CSMD1: variants seen among roughly 807,000 people sequenced by gnomAD.
The protein encoded by CSMD1 is CUB and sushi domain-containing protein 1.
In CSMD1, 213 loss-of-function variants were observed where a neutral mutation model predicts 417.5. The observed-to-expected ratio is 0.51, with a 90% CI of 0.46 to 0.57. The LOEUF is 0.57. Among genes scored for constraint, CSMD1 ranks in the 20% least tolerant of loss-of-function variants. The probability of loss-of-function intolerance (pLI) is 0.00; values close to 1 mark genes in which losing one functional copy is unlikely to be tolerated. For missense variants in CSMD1, 6,923 were observed against 4,529.7 expected (o/e 1.53, Z -15.17); for synonymous variants, 2,862 against 1,736.8 (o/e 1.65, Z -16.11).
chr8:3,705,158 A>C (rs7824746), intron 7 of CSMD1, among the ~76,000 whole-genome samples: 67,371 of 151,926 alleles, frequency 0.44, 15,668 homozygotes, highest in South Asian at 0.56. Context: ...GGGACAGGGC[A>C]GTGGCAGGGG....
intron 2 of CSMD1, among the ~76,000 whole-genome samples, chr8:4,422,980 G>A (rs370253417): frequency 4.0e-5 from 6 of 151,508 alleles, no homozygotes; most frequent in Non-Finnish European, 8.8e-5. Context: ...AATAATCATT[G>A]AACATGAGAA....
chr8:3,430,286 A>T (rs1047380901), intron 12 of CSMD1, among the ~76,000 whole-genome samples: 3 of 152,138 alleles, frequency 2.0e-5, no homozygotes, highest in Non-Finnish European at 4.4e-5. Flanking sequence ...TACAGGTGAC[A>T]TTTAATAACT....
rs775138399 is a variant in CSMD1, at chr8:3,708,499, A to T, written c.932-8T>A. ...ACTCAATCGCCTTTTTCACTGGAAG[A>T]AACAAAACCAAGCCATTAGCAGGTA... On this transcript the variant is annotated splice_polypyrimidine_tract_variant and splice_region_variant and intron_variant, in intron 6 of 69. Coordinates refer to ENST00000635120, the MANE Select transcript of CSMD1 (RefSeq NM_033225.6). The T allele has an allele frequency of 1.9e-6, 3 of 1,613,296 alleles. No homozygotes were observed. In the South Asian group the frequency reaches 3.3e-5, roughly 18 times the overall value.
At chr8:3,094,306 C>T (rs1035074360) in intron 47 of CSMD1, among the ~76,000 whole-genome samples, 1 of 151,950 alleles carries the variant, frequency 6.6e-6, no homozygotes, top group African/African-American at 2.4e-5. Context: ...GGTTTCACCA[C>T]GCTGGCCAGG....
At chr8:3,401,377 T>C (rs1037516122) in intron 15 of CSMD1, among the ~76,000 whole-genome samples, 8 of 152,174 alleles carry the variant, frequency 5.3e-5, no homozygotes, top group African/African-American at 1.9e-4. Flanking sequence ...AAATATTAAT[T>C]ATTTTATTAT....
At chr8:3,302,767 C>G (rs965852824) in intron 25 of CSMD1, among the ~76,000 whole-genome samples, 12 of 152,174 alleles carry the variant, frequency 7.9e-5, no homozygotes, top group African/African-American at 2.9e-4. Flanking sequence ...AGAATTTGTC[C>G]TTCATGCACT....
chr8:4,531,712 G>A (rs1247479853), intron 2 of CSMD1, among the ~76,000 whole-genome samples: 1 of 152,150 alleles, frequency 6.6e-6, no homozygotes, highest in Non-Finnish European at 1.5e-5. Context: ...TGTAATAACA[G>A]CTTTGAGATA....
intron 8 of CSMD1, among the ~76,000 whole-genome samples, chr8:3,600,232 C>T (rs998563565): frequency 6.6e-6 from 1 of 152,164 alleles, no homozygotes; most frequent in Non-Finnish European, 1.5e-5. Context: ...TTTTCTCCTT[C>T]TCCTCCCCAT....
chr8:4,363,213 T>C (rs1801876032), intron 3 of CSMD1, among the ~76,000 whole-genome samples: 1 of 152,196 alleles, frequency 6.6e-6, no homozygotes, highest in Non-Finnish European at 1.5e-5. Context: ...TGGTGGATCT[T>C]CCATGATGAC....
At chr8:4,690,821 C>T (rs537967009) in intron 1 of CSMD1, among the ~76,000 whole-genome samples, 9 of 152,044 alleles carry the variant, frequency 5.9e-5, no homozygotes, top group East Asian at 3.9e-4. Context: ...CTCTTCCTGC[C>T]GGGTTCAAGC....
At chr8:3,928,395 G>C (rs920550407) in intron 5 of CSMD1, among the ~76,000 whole-genome samples, 1 of 152,194 alleles carries the variant, frequency 6.6e-6, no homozygotes, top group Non-Finnish European at 1.5e-5. Flanking sequence ...GTAGGTAGCA[G>C]TGAAATATCA....
At chr8:4,635,822 A>G (rs1802782624) in intron 2 of CSMD1, among the ~76,000 whole-genome samples, 1 of 152,106 alleles carries the variant, frequency 6.6e-6, no homozygotes, top group African/African-American at 2.4e-5. Context: ...ACTAACACAT[A>G]AGACCATAAA....
chr8:4,013,978 C>T (rs756204360), intron 4 of CSMD1, among the ~76,000 whole-genome samples: 23 of 152,240 alleles, frequency 1.5e-4, no homozygotes, highest in East Asian at 5.8e-4. Context: ...CCTCAATAAA[C>T]GTTCCTTGGA....
intron 1 of CSMD1, among the ~76,000 whole-genome samples, chr8:4,940,581 G>A (rs1482585227): frequency 2.6e-5 from 4 of 152,200 alleles, no homozygotes; most frequent in Non-Finnish European, 2.9e-5. Context: ...GAAGTTTAGA[G>A]AGGCAGGTCA....
rs533490528 is a variant in CSMD1 at position 4,113,348 on chromosome 8, CT to C, written c.416-81250del. Among the ~76,000 whole-genome samples the C allele has an allele frequency of 1.7e-3, 244 of 146,920 alleles. 1 individual carries two copies. The highest frequency in any genetic ancestry group is 2.8e-3 in the Non-Finnish European group (192 of 67,450). ...AGGCCTGCTGCACCCAACAGCCAAG[CT>C]GTGAGTGCAAATAAAATGTTCTTCA... On this transcript the variant is annotated intron_variant, in intron 3 of 69. Transcript: ENST00000635120.
intron 1 of CSMD1, among the ~76,000 whole-genome samples, chr8:4,916,728 C>T (rs148279472): frequency 5.9e-5 from 9 of 152,190 alleles, no homozygotes; most frequent in East Asian, 5.8e-4. Context: ...ATTGTGATAT[C>T]GCAAAGAATA....
intron 10 of CSMD1, among the ~76,000 whole-genome samples, chr8:3,496,416 C>G (rs1796366877): frequency 6.6e-6 from 1 of 152,222 alleles, no homozygotes; most frequent in East Asian, 1.9e-4. Context: ...CCTACAAGAA[C>G]TCACTGAACA....
chr8:3,923,396 T>G (rs950979511), intron 5 of CSMD1, among the ~76,000 whole-genome samples: 1 of 152,214 alleles, frequency 6.6e-6, no homozygotes, highest in African/African-American at 2.4e-5. Context: ...ATTATATCAT[T>G]TGCTTATTTT....
At chr8:4,184,356 G>C (rs1016885139) in intron 3 of CSMD1, among the ~76,000 whole-genome samples, 9 of 152,168 alleles carry the variant, frequency 5.9e-5, no homozygotes, top group African/African-American at 1.7e-4. Flanking sequence ...ATCAACACTG[G>C]AACTGTGCTC....
Sources: gnomAD v4.1 joint callset for allele counts (sites outside exome capture counted in the v4.1 genomes callset) on GRCh38, gnomAD v4.1.1 for gene constraint, MANE v1.5 for transcripts, NCBI Gene and HGNC (gene_info 2026-07-23, HGNC 2026-07-21) for gene names.